The following KDM3B variants were observed in gnomAD, a reference collection of about 807,000 sequenced individuals.
KDM3B encodes the protein lysine demethylase 3B.
Under a neutral mutation model 170.0 loss-of-function variants are expected in KDM3B, and 10 were observed. The observed-to-expected ratio is 0.06, with a 90% CI of 0.04 to 0.10. The LOEUF (loss-of-function observed/expected upper bound fraction) is 0.10. Among genes scored for constraint, KDM3B ranks in the 10% least tolerant of loss-of-function variants. The pLI is 1.00. For missense variants in KDM3B, 1,394 were observed against 2,195.2 expected, an observed-to-expected ratio of 0.64 and a Z score of 7.29; for synonymous variants, 831 against 834.8, an observed-to-expected ratio of 1.00 and a Z score of 0.08.
intron 12 of KDM3B, among the ~76,000 whole-genome samples, chr5:138,415,444 T>C (rs1763079214): frequency 6.6e-6 from 1 of 152,054 alleles, no homozygotes; most frequent in Non-Finnish European, 1.5e-5. Flanking sequence ...GAGACACTTC[T>C]GTATTATTAT....
intron 1 of KDM3B, among the ~76,000 whole-genome samples, chr5:138,368,572 A>C (rs1308057012): frequency 2.0e-5 from 3 of 152,118 alleles, no homozygotes; most frequent in Admixed American, 6.6e-5. Context: ...TGTATGCTCT[A>C]ACTCTTTCAT....
At position 138,386,203 on chromosome 5, in the gene KDM3B, G is replaced by A. The variant is rs778725552; in HGVS notation, c.962G>A (p.Arg321Gln). Residue 321 changes from arginine (R) to glutamine (Q), a missense_variant, in exon 7 of 24, where the codon CGA becomes CAA. Physicochemically the swap from Arg to Gln is conservative, Grantham distance 43. This residue lies in a region of KDM3B where 205 missense variants were observed against 227.6 expected (regional missense o/e 0.90). Transcript: ENST00000314358. ...SNGSDGGEAS[R>Q]GPWKGGNASG... ...GGGAGCGATGGAGGTGAGGCAAGCC[G>A]AGGGCCCTGGAAAGGAGGGAATGCC... 3.1e-6 allele frequency: 5 copies of A among 1,614,126 alleles called. No homozygotes were observed. The highest frequency in any genetic ancestry group is 2.7e-5 in the African/African-American group (2 of 75,022).
intron 7 of KDM3B, among the ~76,000 whole-genome samples, chr5:138,388,768 C>T (rs1464775116): frequency 1.3e-5 from 2 of 151,204 alleles, no homozygotes; most frequent in Non-Finnish European, 2.9e-5. Context: ...GCCAAGATTG[C>T]GCCACTGCAC....
intron 1 of KDM3B, among the ~76,000 whole-genome samples, chr5:138,367,182 G>T (rs968093982): frequency 2.0e-5 from 3 of 151,984 alleles, no homozygotes; most frequent in African/African-American, 7.3e-5. Flanking sequence ...TGATTACTTC[G>T]CACTGTAATA....
intron 1 of KDM3B, among the ~76,000 whole-genome samples, chr5:138,360,725 C>G (rs1283667267): frequency 2.0e-5 from 3 of 151,954 alleles, no homozygotes; most frequent in African/African-American, 7.2e-5. Flanking sequence ...GCAAGTAACT[C>G]GGATTACAGG....
chr5:138,356,029 A>G (rs534429502), intron 1 of KDM3B, among the ~76,000 whole-genome samples: 1 of 152,242 alleles, frequency 6.6e-6, no homozygotes, highest in East Asian at 1.9e-4. Flanking sequence ...ACAGTATACC[A>G]TGGGGATCAA....
chr5:138,362,811 C>T (rs1761647879), intron 1 of KDM3B, among the ~76,000 whole-genome samples: 1 of 149,378 alleles, frequency 6.7e-6, no homozygotes, highest in Non-Finnish European at 1.5e-5. Context: ...CATATGTATA[C>T]ATGTGCCATG....
chr5:138,377,637 C>CT, intron 3 of KDM3B, 83 bp from the exon 4 acceptor site: 1 of 968,266 alleles, frequency 1.0e-6, no homozygotes, highest in East Asian at 2.5e-5. Flanking sequence ...TATACAGCTC[C>CT]TTAGGATATG....
intron 11 of KDM3B, among the ~76,000 whole-genome samples, chr5:138,411,480 T>C (rs1400784129): frequency 1.3e-5 from 2 of 152,184 alleles, no homozygotes; most frequent in Admixed American, 6.5e-5. Flanking sequence ...CCTTGGTCTC[T>C]TGCCTCGGCG....
chr5:138,435,144 A>G (rs12653150), intron 23 of KDM3B, among the ~76,000 whole-genome samples: 39,068 of 152,112 alleles, frequency 0.26, 5,691 homozygotes, highest in East Asian at 0.56. Flanking sequence ...ACGAAGGGAA[A>G]AAATAGGCCA....
At chr5:138,434,340 G>C (rs1763618765) in intron 23 of KDM3B, among the ~76,000 whole-genome samples, 1 of 151,994 alleles carries the variant, frequency 6.6e-6, no homozygotes, top group Non-Finnish European at 1.5e-5. Context: ...ACAAGGTCAG[G>C]AGTTCGAGAC....
intron 11 of KDM3B, among the ~76,000 whole-genome samples, chr5:138,412,512 G>A (rs1762999359): frequency 1.3e-5 from 2 of 152,010 alleles, no homozygotes. Flanking sequence ...AAATTAGCGA[G>A]ACGTGGTGGC....
chr5:138,356,451 A>G (rs1490348882), intron 1 of KDM3B, among the ~76,000 whole-genome samples: 2 of 151,982 alleles, frequency 1.3e-5, no homozygotes, highest in Non-Finnish European at 2.9e-5. Flanking sequence ...CATAATTTTC[A>G]TGACTATTTG....
chr5:138,370,390 G>A (rs1024787318), intron 1 of KDM3B, among the ~76,000 whole-genome samples: 1 of 152,062 alleles, frequency 6.6e-6, no homozygotes, highest in Admixed American at 6.5e-5. Context: ...AGATTAAACC[G>A]ATAGCTAGGC....
At chr5:138,353,551 A>G (rs558996997) in intron 1 of KDM3B, among the ~76,000 whole-genome samples, 6 of 152,216 alleles carry the variant, frequency 3.9e-5, no homozygotes, top group African/African-American at 1.4e-4. Flanking sequence ...GTCTCCAGAA[A>G]GGCCAGCTCT....
intron 23 of KDM3B, among the ~76,000 whole-genome samples, chr5:138,434,434 G>T (rs1039578989): frequency 6.6e-6 from 1 of 151,888 alleles, no homozygotes; most frequent in Non-Finnish European, 1.5e-5. Flanking sequence ...TGTAGTCCCA[G>T]CTACTTGGGA....
In KDM3B at chr5:138,352,689, G is replaced by C. The variant is rs1761356032; in HGVS notation, c.-107G>C. 7 of 899,686 alleles carry C rather than the reference G, an allele frequency of 7.8e-6. No homozygotes were observed. The highest frequency in any genetic ancestry group is 9.9e-6 in the Non-Finnish European group (7 of 708,282). The allele number at this position is 899,686 out of a possible 1,614,324, so 55.7% of individuals were successfully genotyped here. A position where few individuals can be genotyped will look rare whatever the true frequency, so the allele number is the denominator to read the frequency against. ...GCTGTTGGGGGGGGTGGGGGGGAAC[G>C]GCGGCCGCGGGTGGTGCGGAGGGAG... On this transcript the variant is annotated 5_prime_UTR_variant, in exon 1 of 24. Transcript: ENST00000314358.
intron 1 of KDM3B, among the ~76,000 whole-genome samples, chr5:138,370,264 A>G (rs918864396): frequency 6.6e-6 from 1 of 152,166 alleles, no homozygotes; most frequent in Non-Finnish European, 1.5e-5. Flanking sequence ...TACTTTTCTC[A>G]TTGCTAATTT....
At chr5:138,388,398 C>A (rs183936826) in intron 7 of KDM3B, among the ~76,000 whole-genome samples, 1 of 151,822 alleles carries the variant, frequency 6.6e-6, no homozygotes, top group African/African-American at 2.4e-5. Flanking sequence ...TTTGGGAGGC[C>A]GAGGCGGGCG....
Sources: allele counts gnomAD v4.1 joint callset (sites outside exome capture counted in the v4.1 genomes callset), GRCh38; gene constraint gnomAD v4.1.1; regional missense constraint gnomAD v4.1.1; transcripts MANE v1.5; gene names NCBI Gene and HGNC (gene_info 2026-07-23, HGNC 2026-07-21).